Variants in ZBED3 observed in about 807,000 individuals in gnomAD.
ZBED3 encodes the protein zinc finger BED-type containing 3, also known as zinc finger BED domain-containing protein 3.
For missense variants in ZBED3, 388 were observed against 362.9 expected (o/e 1.07, Z -0.56); for synonymous variants, 175 against 180.0 (o/e 0.97, Z 0.22).
intron 1 of ZBED3, among the ~76,000 whole-genome samples, chr5:77,083,581 G>A (rs181227934): frequency 6.5e-4 from 99 of 152,216 alleles, no homozygotes; most frequent in South Asian, 6.2e-4. Flanking sequence ...TGGACTCTCC[G>A]GTGTTATATA....
chr5:77,077,126 G>T lies in ZBED3; in HGVS notation c.*48C>A. The T allele has an allele frequency of 7.7e-7, 1 of 1,303,712 alleles. No individual in the cohort carries two copies. Among genetic ancestry groups the T allele is most frequent in the Non-Finnish European group, 9.8e-7 (1 of 1,017,352 alleles). The allele number at this position is 1,303,712 out of a possible 1,614,324, so 80.8% of individuals were successfully genotyped here. The stretch of plus-strand genomic sequence containing the variant: ...GTCCCAGCGGGGTCTGAAGGCATTG[G>T]CATTGGACGGAGAAGCGCTGTCCTG... On this transcript the variant is annotated 3_prime_UTR_variant, in exon 3 of 3. Transcript: ENST00000255198.
chr5:77,077,846 G>T lies in ZBED3; in HGVS notation c.33C>A (p.Asp11Glu), dbSNP rs956984173. MRSGEPACTM[D>E]QARGLDDAAA... ...CCGCGTCGTCCAGCCCGCGGGCCTG[G>T]TCCATGGTGCAGGCCGGCTCGCCAC... is the stretch of plus-strand genomic sequence containing the variant. The change falls in exon 3 of 3, where the codon GAC (aspartate) becomes GAA (glutamate). Residue 11 changes from aspartate to glutamate, a missense_variant. Coordinates refer to ENST00000255198, the MANE Select transcript of ZBED3 (RefSeq NM_032367.4). The T allele has an allele frequency of 3.9e-6, 5 of 1,291,016 alleles. No homozygotes were observed. In the African/African-American group the frequency reaches 7.7e-5, roughly 20 times the overall value. 80.0% of individuals were successfully genotyped at this position (1,291,016 alleles called of 1,614,324 possible).
Position 77,072,278 on chromosome 5 carries a change from C to T in ZBED3, c.*4896G>A, listed in dbSNP as rs1174226720. 5 of 152,074 alleles carry T rather than the reference C, an allele frequency of 3.3e-5. No homozygotes were observed. The highest frequency in any genetic ancestry group is 5.9e-5 in the Non-Finnish European group (4 of 68,030). 9.4% of individuals were successfully genotyped at this position (152,074 alleles called of 1,614,324 possible). A position where few individuals can be genotyped will look rare whatever the true frequency, so the allele number is the denominator to read the frequency against. ...CTGCCTTTACTTAACCTTAATATAC[C>T]ACTATCAAGACCAATTTATGAGCCA... On this transcript the variant is annotated 3_prime_UTR_variant, in exon 3 of 3. Transcript: ENST00000255198.
rs985167445 is a variant in ZBED3, at chr5:77,077,476, G to A, written c.403C>T (p.Gln135Ter). ...PEGDWARLLE[Q>*]MGALAVRGSR... Reference sequence around the variant, plus strand: ...CCGCGCACGGCCAGCGCGCCCATCTGTTCCAGCAGGCGCGCCCAGTCGCCC... The same window carrying A: ...CCGCGCACGGCCAGCGCGCCCATCTATTCCAGCAGGCGCGCCCAGTCGCCC... Residue 135 changes from glutamine to a stop codon, truncating the protein, a stop_gained, in exon 3 of 3, where the codon CAG (glutamine) becomes TAG (stop). Transcript: ENST00000255198. LOFTEE classifies it low-confidence loss of function (END_TRUNC). The A allele has an allele frequency of 5.0e-6, 6 of 1,191,998 alleles. No individual in the cohort carries two copies. Among genetic ancestry groups the A allele is most frequent in the African/African-American group, 1.6e-5 (1 of 62,016 alleles). The allele number at this position is 1,191,998 out of a possible 1,614,324, so 73.8% of individuals were successfully genotyped here.
chr5:77,083,164 A>G (rs549316104), intron 1 of ZBED3, among the ~76,000 whole-genome samples: 111 of 152,200 alleles, frequency 7.3e-4, no homozygotes, highest in African/African-American at 2.6e-3. Flanking sequence ...AAAACAAAAA[A>G]GCAAAACAAC....
intron 1 of ZBED3, chr5:77,086,682 G>A (rs967816462): frequency 6.6e-6 from 1 of 152,146 alleles, no homozygotes; most frequent in Non-Finnish European, 1.5e-5. Context: ...TAAGCTTTTG[G>A]CTTGCATTCG....
At position 77,075,935 on chromosome 5, in the gene ZBED3, T is replaced by TTATATATATATATATATA. The variant is rs201611949; in HGVS notation, c.*1238_*1239insTATATATATATATATATA. 4.7e-5 allele frequency: 1 copy of TTATATATATATATATATA among 21,168 alleles called. No individual in the cohort carries two copies. The highest frequency in any genetic ancestry group is 1.1e-4 in the Non-Finnish European group (1 of 8,846). 1.3% of individuals were successfully genotyped at this position (21,168 alleles called of 1,614,324 possible). ...GACATGCACCCTAGAACTTAAAGTA[T>TTATATATATATATATATA]TATATATACATATATATATATATAT... On this transcript the variant is annotated 3_prime_UTR_variant, in exon 3 of 3. Transcript: ENST00000255198.
chr5:77,078,031 GTTTC>G (rs888131972), intron 2 of ZBED3, 136 bp from the exon 3 acceptor site: 10 of 597,592 alleles, frequency 1.7e-5, no homozygotes, highest in African/African-American at 1.5e-4. Context: ...GATAGTCTAA[GTTTC>G]TTTCTAATTA....
intron 1 of ZBED3, chr5:77,079,486 G>C (rs1489810895): frequency 6.6e-6 from 1 of 152,212 alleles, no homozygotes; most frequent in Non-Finnish European, 1.5e-5. Flanking sequence ...CAGATGCACT[G>C]TACTTTTCTA....
rs1316197020 is a variant in ZBED3 at position 77,077,637 on chromosome 5, C to A, written c.242G>T (p.Gly81Val). 1 of 1,411,572 alleles carries A rather than the reference C, an allele frequency of 7.1e-7. No homozygotes were observed. Among genetic ancestry groups the A allele is most frequent in the Non-Finnish European group, 9.2e-7 (1 of 1,082,536 alleles). The allele number at this position is 1,411,572 out of a possible 1,614,324, so 87.4% of individuals were successfully genotyped here. A position where few individuals can be genotyped will look rare whatever the true frequency, so the allele number is the denominator to read the frequency against. ...CAACGCCGAGGTCCCCGCGTGGAAG[C>A]CCGGGCCGCGGCCCACCTGCTCCCC... Reference protein sequence around the residue: ...LCGEQVGRGPGFHAGTSALWR... With the variant: ...LCGEQVGRGPVFHAGTSALWR... Residue 81 changes from glycine (G) to valine (V), a missense_variant, in exon 3 of 3, where the codon GGC (glycine) becomes GTC (valine). Gly to Val is a moderately radical substitution (Grantham distance 109). Coordinates refer to ENST00000255198, the MANE Select transcript of ZBED3 (RefSeq NM_032367.4).
chr5:77,077,980 C>G (rs963524376), intron 2 of ZBED3, 85 bp from the exon 3 acceptor site: 11 of 1,005,756 alleles, frequency 1.1e-5, no homozygotes, highest in African/African-American at 1.7e-5. Flanking sequence ...AACCATGCCG[C>G]CCTCCATTTT....
intron 1 of ZBED3, among the ~76,000 whole-genome samples, chr5:77,085,637 G>A (rs2150743442): frequency 6.6e-6 from 1 of 152,326 alleles, no homozygotes; most frequent in African/African-American, 2.4e-5. Context: ...TTTAATGAAA[G>A]CAGAGCATAA....
rs539375414 is a variant in ZBED3 at position 77,073,809 on chromosome 5, G to A, written c.*3365C>T. 6.6e-6 allele frequency: 1 copy of A among 152,182 alleles called. No individual in the cohort carries two copies. Among genetic ancestry groups the A allele is most frequent in the African/African-American group, 2.4e-5 (1 of 41,450 alleles). The allele number at this position is 152,182 out of a possible 1,614,324, so 9.4% of individuals were successfully genotyped here. A position where few individuals can be genotyped will look rare whatever the true frequency, so the allele number is the denominator to read the frequency against. Reference sequence around the variant, plus strand: ...ATGGGTTAATGTACTGAGCAGCTACGGAATGCAAGGCACTGTAGGAGTAGG... The same window carrying A: ...ATGGGTTAATGTACTGAGCAGCTACAGAATGCAAGGCACTGTAGGAGTAGG... On this transcript the variant is annotated 3_prime_UTR_variant, in exon 3 of 3. Coordinates refer to ENST00000255198, the MANE Select transcript of ZBED3 (RefSeq NM_032367.4).
At chr5:77,083,320 T>C (rs1311682132) in intron 1 of ZBED3, among the ~76,000 whole-genome samples, 1 of 152,164 alleles carries the variant, frequency 6.6e-6, no homozygotes, top group Non-Finnish European at 1.5e-5. Flanking sequence ...GTCACGTGGT[T>C]TGCTGTGCTC....
rs1179231892 is a variant in ZBED3 at position 77,072,454 on chromosome 5, C to T, written c.*4720G>A. On this transcript the variant is annotated 3_prime_UTR_variant, in exon 3 of 3. Transcript: ENST00000255198. ...TCCTGGAAAGAGGAGTATTTGCCAA[C>T]TCAAGGATGTTTTAAAGAATGTGCT... is the stretch of plus-strand genomic sequence containing the variant. The T allele has an allele frequency of 1.3e-5, 2 of 152,162 alleles. No homozygotes were observed. Among genetic ancestry groups the T allele is most frequent in the African/African-American group, 2.4e-5 (1 of 41,434 alleles). The allele number at this position is 152,162 out of a possible 1,614,324, so 9.4% of individuals were successfully genotyped here.
chr5:77,080,640 A>G lies in ZBED3; in HGVS notation c.-152-1912T>C, dbSNP rs548354349. The G allele has an allele frequency of 1.7e-4, 85 of 513,312 alleles. 1 individual carries two copies. Among genetic ancestry groups the G allele is most frequent in the South Asian group, 1.2e-3 (82 of 71,236 alleles). 31.8% of individuals were successfully genotyped at this position (513,312 alleles called of 1,614,324 possible). A position where few individuals can be genotyped will look rare whatever the true frequency, so the allele number is the denominator to read the frequency against. ...GTATCTGCTGAGTGACCAGCAGTCT[A>G]TGGCCACAGGCCGTAACAGCCTGGT... On this transcript the variant is annotated intron_variant, in intron 1 of 2. Transcript: ENST00000255198.
At chr5:77,083,794 C>A (rs957291671) in intron 1 of ZBED3, among the ~76,000 whole-genome samples, 2 of 152,132 alleles carry the variant, frequency 1.3e-5, no homozygotes, top group Admixed American at 1.3e-4. Context: ...AAGACCCTTA[C>A]CCCTTAAATT....
chr5:77,077,444 C>T lies in ZBED3; in HGVS notation c.435G>A (p.Arg145=), dbSNP rs1026590023. ...QMGALAVRGS[R]RERELERREL... The stretch of plus-strand genomic sequence containing the variant: ...CGCGCCGCTCCAGCTCCCGCTCCCG[C>T]CGGCTGCCGCGCACGGCCAGCGCGC... Residue 145 remains arginine (R), a synonymous_variant, in exon 3 of 3, where the codon CGG becomes CGA. Coordinates refer to ENST00000255198, the MANE Select transcript of ZBED3 (RefSeq NM_032367.4). The T allele has an allele frequency of 1.1e-4, 137 of 1,213,352 alleles. No individual in the cohort carries two copies. Among genetic ancestry groups the T allele is most frequent in the Non-Finnish European group, 1.3e-4 (129 of 975,300 alleles). The allele number at this position is 1,213,352 out of a possible 1,614,324, so 75.2% of individuals were successfully genotyped here.
Position 77,076,354 on chromosome 5 carries a change from C to T in ZBED3, c.*820G>A, listed in dbSNP as rs1229579960. 1 of 151,944 alleles carries T rather than the reference C, an allele frequency of 6.6e-6. No homozygotes were observed. The highest frequency in any genetic ancestry group is 1.5e-5 in the Non-Finnish European group (1 of 68,018). The allele number at this position is 151,944 out of a possible 1,614,324, so 9.4% of individuals were successfully genotyped here. A position where few individuals can be genotyped will look rare whatever the true frequency, so the allele number is the denominator to read the frequency against. Reference sequence around the variant, plus strand: ...GCGGAGGGATGCTTTCCCCTTCAGCCCAGAGGTGAGCACTATGACGACATG... The same window carrying T: ...GCGGAGGGATGCTTTCCCCTTCAGCTCAGAGGTGAGCACTATGACGACATG... On this transcript the variant is annotated 3_prime_UTR_variant, in exon 3 of 3. Transcript: ENST00000255198.
Sources: allele counts gnomAD v4.1 joint callset (sites outside exome capture counted in the v4.1 genomes callset), GRCh38; gene constraint gnomAD v4.1.1; transcripts MANE v1.5; gene names NCBI Gene and HGNC (gene_info 2026-07-23, HGNC 2026-07-21).